Variants in NKAIN3 observed in about 807,000 individuals in gnomAD.
NKAIN3 encodes the protein sodium/potassium transporting ATPase interacting 3, also known as sodium/potassium-transporting ATPase subunit beta-1-interacting protein 3.
A neutral mutation model predicts 30.2 loss-of-function variants in NKAIN3; 25 were observed. That is an observed-to-expected ratio of 0.83 (90% CI 0.60 to 1.16). The LOEUF (loss-of-function observed/expected upper bound fraction) is 1.16. NKAIN3 is among the 50% of genes most tolerant of loss of function. The probability of loss-of-function intolerance (pLI) is 0.00; values close to 1 mark genes in which losing one functional copy is unlikely to be tolerated. For missense variants in NKAIN3, 225 were observed against 254.1 expected (o/e 0.89, Z 0.78); for synonymous variants, 91 against 89.6 (o/e 1.02, Z -0.09).
rs141175567 is a variant in NKAIN3, at chr8:62,893,464, T to C, written c.472-24989T>C. 4.6e-4 allele frequency among the ~76,000 whole-genome samples: 70 copies of C among 152,318 alleles called. 1 individual carries two copies. The highest frequency in any genetic ancestry group is 1.6e-3 in the African/African-American group (68 of 41,578). ...AATAATATTTCCCTTTTGACAACCA[T>C]CATAACATTTTAAGGAAACAACATA... On this transcript the variant is annotated intron_variant, in intron 4 of 6. Coordinates refer to ENST00000623646, the MANE Select transcript of NKAIN3 (RefSeq NM_001304533.3).
chr8:62,795,472 A>G (rs200459457), intron 4 of NKAIN3, among the ~76,000 whole-genome samples: 1 of 152,196 alleles, frequency 6.6e-6, no homozygotes, highest in Non-Finnish European at 1.5e-5. Context: ...TGTGCAGCAC[A>G]AAAGGCACCA....
intron 1 of NKAIN3, among the ~76,000 whole-genome samples, chr8:62,471,663 G>A (rs1806350244): frequency 6.6e-6 from 1 of 152,136 alleles, no homozygotes; most frequent in Non-Finnish European, 1.5e-5. Context: ...TTCTACTTCA[G>A]CTCACTGGGG....
chr8:62,870,631 T>C (rs1304221931), intron 4 of NKAIN3, among the ~76,000 whole-genome samples: 1 of 83,594 alleles, frequency 1.2e-5, no homozygotes, highest in African/African-American at 5.5e-5. Flanking sequence ...CAAAATAAAC[T>C]CTATTTTATA....
intron 4 of NKAIN3, among the ~76,000 whole-genome samples, chr8:62,821,526 A>G (rs1443747453): frequency 6.6e-6 from 1 of 152,052 alleles, no homozygotes; most frequent in Non-Finnish European, 1.5e-5. Context: ...TAATGAGGGG[A>G]ACTCTTTGGG....
intron 1 of NKAIN3, among the ~76,000 whole-genome samples, chr8:62,555,011 TACAC>T (rs59610407): frequency 0.019 from 2,763 of 144,966 alleles, 38 homozygotes; most frequent in African/African-American, 0.043. Context: ...GCAGAATCTA[TACAC>T]ACACACACAC....
chr8:62,915,828 G>C (rs949159461), intron 4 of NKAIN3, among the ~76,000 whole-genome samples: 1 of 152,164 alleles, frequency 6.6e-6, no homozygotes, highest in Non-Finnish European at 1.5e-5. Context: ...TACAGCAAAG[G>C]CTTTTTCCCC....
chr8:62,618,198 C>T (rs1811519502), intron 3 of NKAIN3, among the ~76,000 whole-genome samples: 1 of 152,160 alleles, frequency 6.6e-6, no homozygotes, highest in African/African-American at 2.4e-5. Context: ...CCATTCATCT[C>T]GTCTGCAGTT....
chr8:62,383,975 T>A (rs189004946), intron 1 of NKAIN3, among the ~76,000 whole-genome samples: 164 of 152,126 alleles, frequency 1.1e-3, no homozygotes, highest in African/African-American at 3.9e-3. Context: ...ATGGTACATA[T>A]CAAGCAATTC....
At chr8:62,774,377 C>T (rs1326484646) in intron 4 of NKAIN3, among the ~76,000 whole-genome samples, 1 of 152,176 alleles carries the variant, frequency 6.6e-6, no homozygotes, top group Non-Finnish European at 1.5e-5. Context: ...TTATTCCTTT[C>T]CAATTTGGAT....
rs914399134 is a variant in NKAIN3, at chr8:62,353,845, T to C, written c.54+104718T>C. Among the ~76,000 whole-genome samples the C allele has an allele frequency of 3.9e-5, 6 of 152,320 alleles. No homozygotes were observed. The East Asian group carries it at 1.2e-3, about 29-fold the overall frequency. On this transcript the variant is annotated intron_variant, in intron 1 of 6. Transcript: ENST00000623646. ...ACAGACACAAAGACAAAATTTATAA[T>C]ATAAAATAGATAAATTGATTTAAGA...
chr8:62,429,371 G>T (rs1195448957), intron 1 of NKAIN3, among the ~76,000 whole-genome samples: 2 of 151,802 alleles, frequency 1.3e-5, no homozygotes, highest in East Asian at 3.9e-4. Flanking sequence ...TGTTCATATG[G>T]TTTTTGTACT....
intron 3 of NKAIN3, among the ~76,000 whole-genome samples, chr8:62,671,754 G>A (rs1293914211): frequency 6.6e-6 from 1 of 151,974 alleles, no homozygotes; most frequent in Non-Finnish European, 1.5e-5. Flanking sequence ...CTGCCTCTTT[G>A]AATTTGTCTT....
At chr8:62,682,362 G>A (rs747082542) in intron 3 of NKAIN3, among the ~76,000 whole-genome samples, 4 of 152,134 alleles carry the variant, frequency 2.6e-5, no homozygotes, top group Non-Finnish European at 5.9e-5. Context: ...GCCATTTCTG[G>A]TCTCACAGGG....
intron 1 of NKAIN3, among the ~76,000 whole-genome samples, chr8:62,470,791 A>C (rs983818738): frequency 4.6e-5 from 7 of 152,160 alleles, no homozygotes; most frequent in Admixed American, 1.3e-4. Flanking sequence ...ACATACAAAA[A>C]ATATTATTTT....
intron 5 of NKAIN3, among the ~76,000 whole-genome samples, chr8:62,991,985 C>T (rs898851492): frequency 6.7e-5 from 10 of 150,274 alleles, no homozygotes; most frequent in Non-Finnish European, 1.5e-4. Flanking sequence ...GCACTGCTCC[C>T]CTCGCCACCC....
intron 1 of NKAIN3, among the ~76,000 whole-genome samples, chr8:62,388,492 A>T (rs955273078): frequency 6.6e-6 from 1 of 152,246 alleles, no homozygotes; most frequent in African/African-American, 2.4e-5. Context: ...TGTGGTAACA[A>T]ATGGGGATGG....
At chr8:62,259,979 A>G (rs922822095) in intron 1 of NKAIN3, among the ~76,000 whole-genome samples, 4 of 152,134 alleles carry the variant, frequency 2.6e-5, no homozygotes, top group African/African-American at 9.7e-5. Context: ...TGGCAGTGTT[A>G]ATGATATTAT....
At chr8:62,929,238 A>T (rs1198584761) in intron 5 of NKAIN3, among the ~76,000 whole-genome samples, 1 of 152,226 alleles carries the variant, frequency 6.6e-6, no homozygotes, top group Non-Finnish European at 1.5e-5. Context: ...CTCTCAAAAA[A>T]GTAGTGAATT....
chr8:62,503,022 C>G (rs1442630380), intron 1 of NKAIN3, among the ~76,000 whole-genome samples: 1 of 152,184 alleles, frequency 6.6e-6, no homozygotes, highest in East Asian at 1.9e-4. Flanking sequence ...CCTGGCTGCA[C>G]AGCAGGAGGT....
Sources: gnomAD v4.1 joint callset for allele counts (sites outside exome capture counted in the v4.1 genomes callset) on GRCh38, gnomAD v4.1.1 for gene constraint, MANE v1.5 for transcripts, NCBI Gene and HGNC (gene_info 2026-07-23, HGNC 2026-07-21) for gene names.